PKD1: variants seen among roughly 807,000 people sequenced by gnomAD.
PKD1 encodes polycystin-1.
Under a neutral mutation model 361.7 loss-of-function variants are expected in PKD1, and 81 were observed. The ratio of observed to expected loss-of-function variants is 0.22; its 90% CI spans 0.19 to 0.27. PKD1 has a LOEUF of 0.27. Among genes scored for constraint, PKD1 ranks in the 10% least tolerant of loss-of-function variants. The pLI is 1.00. For missense variants in PKD1, 6,399 were observed against 6,118.3 expected (o/e 1.05, Z -1.53); for synonymous variants, 3,615 against 2,818.3 (o/e 1.28, Z -8.95).
In PKD1 at chr16:2,118,134, A is replaced by T. The variant is rs886038372; in HGVS notation, c.858T>A (p.Ser286=). 1 of 1,597,834 alleles carries T rather than the reference A, an allele frequency of 6.3e-7. No homozygotes were observed. Among genetic ancestry groups the T allele is most frequent in the African/African-American group, 1.3e-5 (1 of 74,604 alleles). ...CGATGTGGAAGGCTGCTAGCTGGCC[A>T]GAGGCCAGAGGTCCGTGGGGCCCCA... The part of the protein sequence containing the change: ...TLVGPHGPLA[S]GQLAAFHIAA... The change falls in exon 5 of 46, where the codon TCT becomes TCA. Residue 286 remains serine, a synonymous_variant. Transcript: ENST00000262304. The surrounding 1 kb of genome is among the most constrained non-coding windows in gnomAD (Gnocchi z 6.0).
At chr16:2,127,418 G>A (rs560023996) in intron 1 of PKD1, among the ~76,000 whole-genome samples, 4 of 152,342 alleles carry the variant, frequency 2.6e-5, no homozygotes, top group Non-Finnish European at 5.9e-5. Context: ...GCGGCCCTGC[G>A]CTGAAGGCAC....
rs1294591241 is a variant in PKD1 at position 2,088,879 on chromosome 16, GCGCACA to G, written c.*842_*847del. ...ATACAGCACACTCGCGCGTGCGCGC[GCGCACA>G]CACACACACACACAGTCACCTTCCT... is the stretch of plus-strand genomic sequence containing the variant. On this transcript the variant is annotated 3_prime_UTR_variant, in exon 46 of 46. Coordinates refer to ENST00000262304, the MANE Select transcript of PKD1 (RefSeq NM_001009944.3). 22 of 469,592 alleles carry G rather than the reference GCGCACA, an allele frequency of 4.7e-5. No individual in the cohort carries two copies. Among genetic ancestry groups the G allele is most frequent in the Middle Eastern group, 5.7e-4 (1 of 1,750 alleles). The allele number at this position is 469,592 out of a possible 1,614,324, so 29.1% of individuals were successfully genotyped here. A position where few individuals can be genotyped will look rare whatever the true frequency, so the allele number is the denominator to read the frequency against.
At chr16:2,093,317 CT>C in intron 37 of PKD1, 1 of 679,880 alleles carries the variant, frequency 1.5e-6, no homozygotes, top group Non-Finnish European at 2.5e-6. Flanking sequence ...GCTTAGGGGC[CT>C]TCAGGGCCAG....
chr16:2,099,977 C>T lies in PKD1; in HGVS notation c.9807G>A (p.Arg3269=), dbSNP rs1269572685. 6.4e-7 allele frequency: 1 copy of T among 1,563,232 alleles called. No individual in the cohort carries two copies. The highest frequency in any genetic ancestry group is 8.7e-7 in the Non-Finnish European group (1 of 1,155,404). Residue 3269 remains arginine, a synonymous_variant, in exon 29 of 46, where the codon CGG becomes CGA. Transcript: ENST00000262304. ...TGCGAGTGAAACGGCTACGAGGCGGCCGGTCCCATATGGAGAGCCAGATGT... is the reference window on the plus strand; with the variant it reads ...TGCGAGTGAAACGGCTACGAGGCGGTCGGTCCCATATGGAGAGCCAGATGT... The part of the protein sequence containing the change: ...DKHIWLSIWD[R]PPRSRFTRIQ...
rs1317710782 is a variant in PKD1, at chr16:2,108,702, C to A, written c.6465G>T (p.Leu2155=). The stretch of plus-strand genomic sequence containing the variant: ...ATCGCCGCATCAGCACCTGCAGGGG[C>A]AGGACCACGTCCACCTCCGGCTCCC... ...ACREPEVDVV[L]PLQVLMRRSQ... Residue 2155 remains leucine, a synonymous_variant, in exon 15 of 46, where the codon CTG becomes CTT. Transcript: ENST00000262304. 4 of 1,570,000 alleles carry A rather than the reference C, an allele frequency of 2.5e-6. No individual in the cohort carries two copies. Among genetic ancestry groups the A allele is most frequent in the Non-Finnish European group, 2.6e-6 (3 of 1,158,454 alleles).
In PKD1 at chr16:2,114,569, GACC is replaced by G; in HGVS notation, c.2451_2453del (p.Val818del). 1 of 1,594,430 alleles carries G rather than the reference GACC, an allele frequency of 6.3e-7. No individual in the cohort carries two copies. ...TGACCCGCAGCCCAGCCACTGGGGA[GACC>G]ACGTCAAAGCTGCAGGAGAGGTTGT... is the stretch of plus-strand genomic sequence containing the variant. On this transcript the variant is annotated inframe_deletion, in exon 11 of 46. Coordinates refer to ENST00000262304, the MANE Select transcript of PKD1 (RefSeq NM_001009944.3).
chr16:2,116,721 C>A lies in PKD1; in HGVS notation c.1607-77G>T, dbSNP rs1404647818. The A allele has an allele frequency of 4.3e-6, 5 of 1,174,752 alleles. No individual in the cohort carries two copies. In the East Asian group the frequency reaches 1.0e-4, roughly 24 times the overall value. 72.8% of individuals were successfully genotyped at this position (1,174,752 alleles called of 1,614,324 possible). ...GACGAACAGACTGGGGACCGAGCCG[C>A]CCGAAAACCCCCCCACCAGCCCCTC... is the stretch of plus-strand genomic sequence containing the variant. On this transcript the variant is annotated intron_variant, in intron 7 of 45. Transcript: ENST00000262304.
Position 2,106,470 on chromosome 16 carries a change from C to A in PKD1, c.7417G>T (p.Gly2473Trp). ...AGTGGGAAGAGGCGGCAAGAGCCCC[C>A]CAGCGGCGGGCGGTTGGGGGACAGG... Reference protein sequence around the residue: ...IRLSPNRPPLGGSCRLFPLGA... With the variant: ...IRLSPNRPPLWGSCRLFPLGA... Residue 2473 changes from glycine (G) to tryptophan (W), a missense_variant, in exon 18 of 46, where the codon GGG becomes TGG. Gly to Trp is a radical substitution (Grantham distance 184, BLOSUM62 -2). Coordinates refer to ENST00000262304, the MANE Select transcript of PKD1 (RefSeq NM_001009944.3). This position sits in a 1 kb window ranked among gnomAD's most constrained non-coding sequence, Gnocchi z 6.5. The A allele has an allele frequency of 1.3e-6, 2 of 1,591,122 alleles. No individual in the cohort carries two copies. The highest frequency in any genetic ancestry group is 1.7e-6 in the Non-Finnish European group (2 of 1,175,610).
intron 37 of PKD1, 72 bp from the exon 38 acceptor site, chr16:2,093,165 G>A (rs1596486407): frequency 6.4e-7 from 1 of 1,572,176 alleles, no homozygotes; most frequent in Non-Finnish European, 8.7e-7. Flanking sequence ...GGCAACGGCT[G>A]GAGCCATGGC....
rs1473752145 is a variant in PKD1 at position 2,094,001 on chromosome 16, C to G, written c.10631G>C (p.Gly3544Ala). ...GGCCGGCAGCAGGCGCTTCCGCAGA[C>G]CCTCCACCAGTCCTGGGGAAGCAGA... ...ARLSRTGLVE[G>A]LRKRLLPAWC... is the part of the protein sequence containing the mutation. The change falls in exon 36 of 46, where the codon GGT (glycine) becomes GCT (alanine). Residue 3544 changes from glycine to alanine, a missense_variant. Gly to Ala is a moderately conservative substitution (Grantham distance 60). Transcript: ENST00000262304. The G allele has an allele frequency of 6.3e-7, 1 of 1,589,220 alleles. No homozygotes were observed. Among genetic ancestry groups the G allele is most frequent in the South Asian group, 1.1e-5 (1 of 88,118 alleles).
chr16:2,116,247 C>T (rs1368922006), intron 8 of PKD1, 129 bp from the exon 9 acceptor site: 11 of 992,570 alleles, frequency 1.1e-5, no homozygotes, highest in Non-Finnish European at 1.7e-5. Flanking sequence ...ACAGGCCTGG[C>T]TCCTGTCGCT....
chr16:2,095,646 G>A (rs1452207811), intron 34 of PKD1, among the ~76,000 whole-genome samples: 1 of 152,226 alleles, frequency 6.6e-6, no homozygotes, highest in Non-Finnish European at 1.5e-5. Context: ...GGGACGCGCT[G>A]GAGGCTGCAG....
rs1399454620 is a variant in PKD1, at chr16:2,089,658, C to T, written c.*69G>A. ...CATTCTGCCTGGCCCTCGGCCTTGA[C>T]AGCGGCAGAAAGTAATACTGAGCGG... is the stretch of plus-strand genomic sequence containing the variant. On this transcript the variant is annotated 3_prime_UTR_variant, in exon 46 of 46. Transcript: ENST00000262304. 5 of 1,530,286 alleles carry T rather than the reference C, an allele frequency of 3.3e-6. No individual in the cohort carries two copies. Among genetic ancestry groups the T allele is most frequent in the Non-Finnish European group, 2.6e-6 (3 of 1,132,312 alleles). 94.8% of individuals were successfully genotyped at this position (1,530,286 alleles called of 1,614,324 possible).
rs139965006 is a variant in PKD1 at position 2,120,699 on chromosome 16, C to T, written c.216-1321G>A. On this transcript the variant is annotated intron_variant, in intron 1 of 45. Coordinates refer to ENST00000262304, the MANE Select transcript of PKD1 (RefSeq NM_001009944.3). Reference sequence around the variant, plus strand: ...CCTGGGCGACAGAGCAAGACCCGGTCTCGAAAGAAAACAAAGAGAAAGCAA... The same window carrying T: ...CCTGGGCGACAGAGCAAGACCCGGTTTCGAAAGAAAACAAAGAGAAAGCAA... Among the ~76,000 whole-genome samples the T allele has an allele frequency of 3.9e-3, 587 of 152,050 alleles. 5 individuals are homozygous for T. Among genetic ancestry groups the T allele is most frequent in the African/African-American group, 0.012 (480 of 41,452 alleles).
Position 2,090,783 on chromosome 16 carries a change from C to G in PKD1, c.12029G>C (p.Arg4010Pro), listed in dbSNP as rs1247532552. The G allele has an allele frequency of 7.4e-6, 12 of 1,612,556 alleles. No homozygotes were observed. Among genetic ancestry groups the G allele is most frequent in the Non-Finnish European group, 1.0e-5 (12 of 1,179,956 alleles). Residue 4010 changes from arginine (R) to proline (P), a missense_variant, in exon 44 of 46, where the codon CGC (arginine) becomes CCC (proline). Transcript: ENST00000262304. ...VKAAQQLRFV[R>P]QWSVFGKTLC... ...TGTCTTGCCAAAGACGGACCACTGG[C>G]GCACGAAGCGTAGCTGCTGGGCAGC...
chr16:2,115,007 G>A (rs1239932673), intron 10 of PKD1, 82 bp from the exon 11 acceptor site: 37 of 1,514,568 alleles, frequency 2.4e-5, no homozygotes, highest in South Asian at 1.9e-4. Context: ...GGGTGGACAC[G>A]CAGGGCTCCC....
In PKD1 at chr16:2,110,502, T is replaced by G. The variant is rs71385734; in HGVS notation, c.4665A>C (p.Ala1555=). Residue 1555 remains alanine, a synonymous_variant, in exon 15 of 46, where the codon GCA becomes GCC. Transcript: ENST00000262304. ...KRRVRGLVVN[A]SRTVVPLNGS... ...CATTCAGGGGCACCACCGTGCGGCT[T>G]GCATTGACGACGAGCCCCCGCACGC... 0.18 allele frequency: 283,398 copies of G among 1,612,016 alleles called. 30,363 individuals carry two copies. Among genetic ancestry groups the G allele is most frequent in the African/African-American group, 0.5 (37,118 of 74,962 alleles).
chr16:2,110,881 G>C lies in PKD1; in HGVS notation c.4286C>G (p.Pro1429Arg), dbSNP rs377466280. The change falls in exon 15 of 46, where the codon CCT becomes CGT. Residue 1429 changes from proline (P) to arginine (R), a missense_variant. Coordinates refer to ENST00000262304, the MANE Select transcript of PKD1 (RefSeq NM_001009944.3). ...GTCTCGGTAGATGAACGTCACCTCA[G>C]GGCCCCTGGCACGGGTGGGGGCGGC... ...EEAAPTRARGPEVTFIYRDPG... is the reference protein window; with the variant it reads ...EEAAPTRARGREVTFIYRDPG... 1.6e-5 allele frequency: 25 copies of C among 1,611,618 alleles called. No homozygotes were observed. The highest frequency in any genetic ancestry group is 3.4e-6 in the Non-Finnish European group (4 of 1,179,852).
At chr16:2,107,530 G>T (rs530915393) in intron 16 of PKD1, 11 of 415,332 alleles carry the variant, frequency 2.6e-5, no homozygotes, top group African/African-American at 2.0e-4. Flanking sequence ...GGCCGGTCCA[G>T]AGAGGGGAGC....
Sources: allele counts gnomAD v4.1 joint callset (sites outside exome capture counted in the v4.1 genomes callset), GRCh38; gene constraint gnomAD v4.1.1; non-coding constraint Gnocchi (gnomAD v3.1); transcripts MANE v1.5; gene names NCBI Gene and HGNC (gene_info 2026-07-23, HGNC 2026-07-21).